The following ERBB4 variants were observed in gnomAD, a reference collection of about 807,000 sequenced individuals.
The protein encoded by ERBB4 is receptor tyrosine-protein kinase erbB-4.
A neutral mutation model predicts 158.0 loss-of-function variants in ERBB4; 42 were observed. The ratio of observed to expected loss-of-function variants is 0.27; its 90% CI spans 0.21 to 0.34. The LOEUF (loss-of-function observed/expected upper bound fraction) is 0.34. Ranked by LOEUF, ERBB4 falls within the 10% of genes least tolerant of loss-of-function variation. The pLI is 1.00. For missense variants in ERBB4, 1,333 were observed against 1,624.1 expected (o/e 0.82, Z 3.08); for synonymous variants, 583 against 558.7 (o/e 1.04, Z -0.61).
chr2:211,565,439 T>C (rs891126308), intron 19 of ERBB4, among the ~76,000 whole-genome samples: 1 of 152,140 alleles, frequency 6.6e-6, no homozygotes, highest in African/African-American at 2.4e-5. Context: ...ATTATTTAAA[T>C]GTATGGAGTT....
At position 211,428,489 on chromosome 2, in the gene ERBB4, G is replaced by A; in HGVS notation, c.2644-6C>T. ...GCCATCCATTTAATTGGCATCTATA[G>A]AGAAGTAAGAAGTAAAAGTTTTAAA... On this transcript the variant is annotated splice_polypyrimidine_tract_variant and splice_region_variant and intron_variant, in intron 21 of 27. Transcript: ENST00000342788. 1 of 1,481,568 alleles carries A rather than the reference G, an allele frequency of 6.7e-7. No individual in the cohort carries two copies. The highest frequency in any genetic ancestry group is 9.4e-7 in the Non-Finnish European group (1 of 1,060,862). 91.8% of individuals were successfully genotyped at this position (1,481,568 alleles called of 1,614,324 possible).
intron 1 of ERBB4, among the ~76,000 whole-genome samples, chr2:212,506,910 T>C (rs981547685): frequency 1.3e-5 from 2 of 152,158 alleles, no homozygotes; most frequent in Middle Eastern, 3.2e-3. Context: ...TCCATGGAGA[T>C]AAGACAGCCT....
At chr2:212,010,860 G>GTATTAA (rs1200733347) in intron 2 of ERBB4, among the ~76,000 whole-genome samples, 1 of 151,998 alleles carries the variant, frequency 6.6e-6, no homozygotes, top group Non-Finnish European at 1.5e-5. Context: ...CTTTCTCAGG[G>GTATTAA]TATTAATATT....
At chr2:211,448,389 C>T (rs2125470463) in intron 20 of ERBB4, among the ~76,000 whole-genome samples, 1 of 152,030 alleles carries the variant, frequency 6.6e-6, no homozygotes, top group South Asian at 2.1e-4. Context: ...TAACTTTGAG[C>T]AAGGTGTTTG....
intron 1 of ERBB4, among the ~76,000 whole-genome samples, chr2:212,320,683 C>T (rs1370875214): frequency 6.7e-6 from 1 of 149,522 alleles, no homozygotes; most frequent in East Asian, 2.0e-4. Context: ...TAAAAAAAAA[C>T]AAAGAAGCTA....
At chr2:212,520,799 G>A (rs1387922601) in intron 1 of ERBB4, among the ~76,000 whole-genome samples, 1 of 151,948 alleles carries the variant, frequency 6.6e-6, no homozygotes, top group Non-Finnish European at 1.5e-5. Flanking sequence ...AGCAGAAATC[G>A]CCCTTGCCAT....
chr2:212,240,831 C>T (rs2084075239), intron 1 of ERBB4, among the ~76,000 whole-genome samples: 1 of 151,930 alleles, frequency 6.6e-6, no homozygotes, highest in South Asian at 2.1e-4. Context: ...AAGTTCACAT[C>T]TTTGGGTCTT....
chr2:211,552,268 C>T (rs538958603), intron 20 of ERBB4, among the ~76,000 whole-genome samples: 25 of 151,826 alleles, frequency 1.6e-4, no homozygotes, highest in Non-Finnish European at 3.2e-4. Flanking sequence ...TTACACTAAA[C>T]TTTGAAACAG....
At chr2:211,664,575 G>C (rs1448586643) in intron 15 of ERBB4, among the ~76,000 whole-genome samples, 1 of 152,182 alleles carries the variant, frequency 6.6e-6, no homozygotes, top group Non-Finnish European at 1.5e-5. Context: ...TTAGATGAAT[G>C]ACATTATTTC....
chr2:212,509,818 A>C (rs1219761770), intron 1 of ERBB4, among the ~76,000 whole-genome samples: 1 of 149,674 alleles, frequency 6.7e-6, no homozygotes, highest in Non-Finnish European at 1.5e-5. Context: ...ACTTACAGTC[A>C]GTTAGTTTCT....
intron 3 of ERBB4, among the ~76,000 whole-genome samples, chr2:211,866,817 T>C (rs961829590): frequency 6.6e-6 from 1 of 152,006 alleles, no homozygotes; most frequent in Admixed American, 6.6e-5. Context: ...TACAAATACA[T>C]TGACCTAAAA....
chr2:212,250,425 T>A (rs2084486677), intron 1 of ERBB4, among the ~76,000 whole-genome samples: 1 of 147,250 alleles, frequency 6.8e-6, no homozygotes, highest in South Asian at 2.1e-4. Flanking sequence ...GAAATTTCTC[T>A]CAATGACTTT....
chr2:211,615,868 TAG>T (rs1053865710), intron 19 of ERBB4, among the ~76,000 whole-genome samples: 4 of 152,050 alleles, frequency 2.6e-5, no homozygotes, highest in African/African-American at 9.7e-5. Flanking sequence ...AGCATAAAGT[TAG>T]AGTGGAGAAA....
At chr2:212,199,566 A>G (rs1314800255) in intron 1 of ERBB4, among the ~76,000 whole-genome samples, 1 of 152,160 alleles carries the variant, frequency 6.6e-6, no homozygotes, top group African/African-American at 2.4e-5. Flanking sequence ...TTCTTAAGCT[A>G]ATTGTCAGTA....
At chr2:211,977,737 A>C (rs948963602) in intron 2 of ERBB4, among the ~76,000 whole-genome samples, 2 of 150,770 alleles carry the variant, frequency 1.3e-5, no homozygotes, top group African/African-American at 4.9e-5. Flanking sequence ...CTGTAATCCC[A>C]GCTACCCTGG....
At chr2:211,947,382 T>A in intron 3 of ERBB4, 48 bp downstream of exon 3, 2 of 1,456,830 alleles carry the variant, frequency 1.4e-6, no homozygotes, top group Non-Finnish European at 9.6e-7. Flanking sequence ...TACAATTGCC[T>A]TATATTGATA....
chr2:212,186,234 C>T (rs1428399725), intron 1 of ERBB4, among the ~76,000 whole-genome samples: 1 of 152,152 alleles, frequency 6.6e-6, no homozygotes, highest in Non-Finnish European at 1.5e-5. Context: ...TCATTTCAAA[C>T]ATATGGCTAA....
chr2:211,506,827 C>T (rs1193019514), intron 20 of ERBB4, among the ~76,000 whole-genome samples: 1 of 151,932 alleles, frequency 6.6e-6, no homozygotes, highest in Non-Finnish European at 1.5e-5. Context: ...TATAATGTCA[C>T]ACTTCCAACC....
chr2:212,458,470 G>A (rs1195367697), intron 1 of ERBB4, among the ~76,000 whole-genome samples: 1 of 152,080 alleles, frequency 6.6e-6, no homozygotes, highest in Non-Finnish European at 1.5e-5. Flanking sequence ...TTTGCAATAA[G>A]GAATGAATCA....
Sources: allele counts gnomAD v4.1 joint callset (sites outside exome capture counted in the v4.1 genomes callset), GRCh38; gene constraint gnomAD v4.1.1; transcripts MANE v1.5; gene names NCBI Gene and HGNC (gene_info 2026-07-23, HGNC 2026-07-21).